Variants in DIS3L observed in about 807,000 individuals in gnomAD.
DIS3L encodes the protein DIS3-like exonuclease 1.
DIS3L carries 100 observed loss-of-function variants against 120.3 expected under a neutral mutation model. The observed-to-expected ratio is 0.83, with a 90% CI of 0.71 to 0.98. DIS3L has a LOEUF of 0.98. DIS3L is among the 50% of genes least tolerant of loss of function. The probability of loss-of-function intolerance (pLI) is 0.00; values close to 1 mark genes in which losing one functional copy is unlikely to be tolerated. For missense variants in DIS3L, 1,196 were observed against 1,314.2 expected (o/e 0.91, Z 1.39); for synonymous variants, 426 against 470.6 (o/e 0.91, Z 1.23).
intron 7 of DIS3L, 41 bp downstream of exon 7, chr15:66,315,256 G>T: frequency 1.9e-6 from 3 of 1,542,990 alleles, no homozygotes; most frequent in South Asian, 1.3e-5. Flanking sequence ...CATTTTTCTT[G>T]TGGAATTATA....
intron 2 of DIS3L, among the ~76,000 whole-genome samples, chr15:66,305,342 C>T (rs920896029): frequency 3.3e-5 from 5 of 151,970 alleles, no homozygotes; most frequent in African/African-American, 9.7e-5. Context: ...TGTAAGACCA[C>T]ACAGATTGGT....
At chr15:66,295,322 C>T (rs993125455) in intron 2 of DIS3L, among the ~76,000 whole-genome samples, 181 bp downstream of exon 2, 2 of 152,196 alleles carry the variant, frequency 1.3e-5, no homozygotes, top group Non-Finnish European at 2.9e-5. Flanking sequence ...TCTGCTTCAA[C>T]ACCTGGCCAA....
chr15:66,314,004 A>AT (rs2092791842), intron 5 of DIS3L, 35 bp from the exon 6 acceptor site: 2 of 1,520,200 alleles, frequency 1.3e-6, no homozygotes, highest in Non-Finnish European at 1.8e-6. Flanking sequence ...GGAAAAGAAC[A>AT]TTTTTCATAT....
Position 66,333,404 on chromosome 15 carries a change from C to A in DIS3L, c.*92C>A, listed in dbSNP as rs554724662. 2.2e-5 allele frequency: 30 copies of A among 1,341,250 alleles called. No individual in the cohort carries two copies. Among genetic ancestry groups the A allele is most frequent in the Admixed American group, 7.0e-5 (3 of 42,930 alleles). The allele number at this position is 1,341,250 out of a possible 1,614,324, so 83.1% of individuals were successfully genotyped here. A position where few individuals can be genotyped will look rare whatever the true frequency, so the allele number is the denominator to read the frequency against. On this transcript the variant is annotated 3_prime_UTR_variant, in exon 17 of 17. Coordinates refer to ENST00000319212, the MANE Select transcript of DIS3L (RefSeq NM_001143688.3). ...AATGTGTGTCACTCAGTGCTCTAGT[C>A]GATCAGGACTGGGTAGCTATTTCGC...
At chr15:66,293,931 G>A in intron 1 of DIS3L, 196 bp downstream of exon 1, 1 of 997,908 alleles carries the variant, frequency 1.0e-6, no homozygotes, top group South Asian at 4.7e-5. Flanking sequence ...GCGGCTTCTG[G>A]GGCGCCCGGG....
At chr15:66,326,503 A>G in intron 12 of DIS3L, 139 bp downstream of exon 12, 2 of 978,410 alleles carry the variant, frequency 2.0e-6, no homozygotes, top group Non-Finnish European at 2.9e-6. Flanking sequence ...ATTTTTGAAG[A>G]CACATTTTTC....
At chr15:66,308,295 T>C (rs772132813) in intron 3 of DIS3L, among the ~76,000 whole-genome samples, 11 of 152,210 alleles carry the variant, frequency 7.2e-5, no homozygotes, top group Non-Finnish European at 1.3e-4. Context: ...TCAGACCCTA[T>C]TGGATTATGA....
intron 15 of DIS3L, among the ~76,000 whole-genome samples, chr15:66,332,485 A>AGTGTGTGTGT (rs778480622): frequency 0.039 from 4,249 of 109,430 alleles, 83 homozygotes; most frequent in Non-Finnish European, 0.048. Context: ...TGAAGACTGG[A>AGTGTGTGTGT]GTGTGTGTGT....
At position 66,333,587 on chromosome 15, in the gene DIS3L, G is replaced by A. The variant is rs1037579344; in HGVS notation, c.*275G>A. 6 of 225,132 alleles carry A rather than the reference G, an allele frequency of 2.7e-5. No individual in the cohort carries two copies. The highest frequency in any genetic ancestry group is 3.5e-5 in the Non-Finnish European group (4 of 114,492). The allele number at this position is 225,132 out of a possible 1,614,324, so 13.9% of individuals were successfully genotyped here. ...CTACTAAAAATACAAAAATTAGCCC[G>A]GCGTGGTGGCATGCGCCTGTAGTCC... On this transcript the variant is annotated 3_prime_UTR_variant, in exon 17 of 17. Coordinates refer to ENST00000319212, the MANE Select transcript of DIS3L (RefSeq NM_001143688.3).
At chr15:66,332,130 A>C in intron 15 of DIS3L, 110 bp downstream of exon 15, 1 of 1,063,980 alleles carries the variant, frequency 9.4e-7, no homozygotes, top group Non-Finnish European at 1.3e-6. Flanking sequence ...TAGTTATCAT[A>C]TGTACATAAT....
At chr15:66,311,967 T>C in intron 5 of DIS3L, 67 bp downstream of exon 5, 1 of 1,573,952 alleles carries the variant, frequency 6.4e-7, no homozygotes, top group Middle Eastern at 2.0e-4. Flanking sequence ...TCCCAGCACT[T>C]TGGCTAAGGC....
Position 66,295,136 on chromosome 15 carries a change from C to G in DIS3L, c.288C>G (p.Gly96=). The stretch of plus-strand genomic sequence containing the variant: ...GTCAAGCTGTGCAGCATCAAAGAGG[C>G]AGGAGGTATACGTTTTGCATTCTTT... The part of the protein sequence containing the change: ...TACQAVQHQR[G]RRQYNKLRNL... The change falls in exon 2 of 17, where the codon GGC becomes GGG. Residue 96 remains glycine (G), a synonymous_variant. Transcript: ENST00000319212. 1 of 1,613,516 alleles carries G rather than the reference C, an allele frequency of 6.2e-7. No homozygotes were observed. The highest frequency in any genetic ancestry group is 8.5e-7 in the Non-Finnish European group (1 of 1,179,798).
chr15:66,293,757 G>C, intron 1 of DIS3L, 22 bp downstream of exon 1: 1 of 1,183,616 alleles, frequency 8.4e-7, no homozygotes, highest in Middle Eastern at 3.4e-4. Flanking sequence ...GGCGGGGGCG[G>C]GGACGGGGCC....
At chr15:66,300,471 T>A (rs890989088) in intron 2 of DIS3L, among the ~76,000 whole-genome samples, 1 of 152,222 alleles carries the variant, frequency 6.6e-6, no homozygotes, top group Non-Finnish European at 1.5e-5. Context: ...TGTAATTAGA[T>A]CGACGGTGAT....
intron 7 of DIS3L, among the ~76,000 whole-genome samples, chr15:66,316,083 A>C (rs908227381): frequency 2.0e-5 from 3 of 152,002 alleles, no homozygotes; most frequent in African/African-American, 7.3e-5. Context: ...CTTTAATTTT[A>C]ATTTTAATTT....
intron 2 of DIS3L, among the ~76,000 whole-genome samples, chr15:66,304,762 A>G (rs1263742672): frequency 2.0e-5 from 3 of 151,574 alleles, no homozygotes; most frequent in Admixed American, 1.3e-4. Flanking sequence ...TTAGCCAGGC[A>G]TGGTGGCGGG....
chr15:66,296,214 C>A (rs28414919), intron 2 of DIS3L, among the ~76,000 whole-genome samples: 40,769 of 152,048 alleles, frequency 0.27, 5,889 homozygotes, highest in South Asian at 0.32. Flanking sequence ...GCCTTTTCAA[C>A]TTCTGTTTTC....
intron 5 of DIS3L, among the ~76,000 whole-genome samples, chr15:66,313,145 G>A (rs2092779527): frequency 6.6e-6 from 1 of 151,916 alleles, no homozygotes; most frequent in African/African-American, 2.4e-5. Flanking sequence ...ACAGGCACAC[G>A]CCACCATGCC....
At chr15:66,317,344 G>GAAAAAAAAAA (rs1555403133) in intron 7 of DIS3L, among the ~76,000 whole-genome samples, 1 of 79,084 alleles carries the variant, frequency 1.3e-5, no homozygotes. Flanking sequence ...AATATTTGTG[G>GAAAAAAAAAA]GAAAAAAAAA....
Sources: gnomAD v4.1 joint callset for allele counts (sites outside exome capture counted in the v4.1 genomes callset) on GRCh38, gnomAD v4.1.1 for gene constraint, MANE v1.5 for transcripts, NCBI Gene and HGNC (gene_info 2026-07-23, HGNC 2026-07-21) for gene names.